The following GPHN variants were observed in gnomAD, a reference collection of about 807,000 sequenced individuals.
The protein encoded by GPHN is gephyrin.
GPHN carries 17 observed loss-of-function variants against 95.5 expected under a neutral mutation model. The observed-to-expected ratio is 0.18, with a 90% CI of 0.12 to 0.27. The LOEUF (loss-of-function observed/expected upper bound fraction) is 0.27, where lower values mean the gene tolerates loss of function less well. Ranked by LOEUF, GPHN falls within the 10% of genes least tolerant of loss-of-function variation. GPHN has a pLI of 1.00. For synonymous variants in GPHN, 320 were observed against 322.5 expected (o/e 0.99, Z 0.08); for missense variants, 660 against 978.1 (o/e 0.67, Z 4.34).
chr14:67,516,333 C>T, the GPHN span, among the ~76,000 whole-genome samples: 5 of 152,164 alleles, frequency 3.3e-5, no homozygotes, highest in Non-Finnish European at 7.3e-5. Flanking sequence ...AATTCTCTCG[C>T]AAACCCTATG....
At chr14:67,086,813 C>T (rs1325967024) in intron 11 of GPHN, among the ~76,000 whole-genome samples, 3 of 151,238 alleles carry the variant, frequency 2.0e-5, no homozygotes, top group African/African-American at 7.3e-5. Context: ...CCAAGGTGGG[C>T]GGATCATGAG....
At position 66,607,917 on chromosome 14, in the gene GPHN, T is replaced by G. The variant is rs371515189; in HGVS notation, c.65-73190T>G. Among the ~76,000 whole-genome samples the G allele has an allele frequency of 4.6e-5, 7 of 152,056 alleles. No homozygotes were observed. The East Asian group carries it at 1.3e-3, about 29-fold the overall frequency. ...CTTTGTTAATCTAATGAGAAGTCTG[T>G]CAATCTTTTTTATTCTTCCGATAAA... On this transcript the variant is annotated intron_variant, in intron 1 of 22. Transcript: ENST00000478722.
intron 1 of GPHN, among the ~76,000 whole-genome samples, chr14:66,585,365 G>A (rs1378326391): frequency 2.6e-5 from 4 of 152,026 alleles, no homozygotes; most frequent in Non-Finnish European, 5.9e-5. Context: ...ATTTTTTGAA[G>A]CGTTTTTTGT....
intron 9 of GPHN, among the ~76,000 whole-genome samples, chr14:67,010,648 A>T (rs1036778209): frequency 2.0e-5 from 3 of 152,086 alleles, no homozygotes; most frequent in East Asian, 3.8e-4. Context: ...AAAATTTTTT[A>T]AAATTTTTCC....
At chr14:66,571,826 A>G (rs759209262) in intron 1 of GPHN, among the ~76,000 whole-genome samples, 4 of 152,122 alleles carry the variant, frequency 2.6e-5, no homozygotes, top group Non-Finnish European at 5.9e-5. Flanking sequence ...TGAAAACAAA[A>G]AACAAACAAA....
the GPHN span, chr14:67,466,985 A>G: frequency 1.8e-5 from 2 of 113,008 alleles, no homozygotes; most frequent in African/African-American, 7.0e-5. Flanking sequence ...ACAGAGGGGG[A>G]CCCAATCTCA....
At chr14:66,641,243 T>C (rs767629613) in intron 1 of GPHN, among the ~76,000 whole-genome samples, 1 of 152,242 alleles carries the variant, frequency 6.6e-6, no homozygotes, top group Non-Finnish European at 1.5e-5. Context: ...TTGATCTTTC[T>C]CTAGGCTAGT....
At chr14:66,584,027 G>A (rs977941248) in intron 1 of GPHN, among the ~76,000 whole-genome samples, 4 of 152,146 alleles carry the variant, frequency 2.6e-5, no homozygotes, top group African/African-American at 9.7e-5. Flanking sequence ...AGCATGGAAT[G>A]TTCTTCCATT....
At chr14:67,574,722 G>C in the GPHN span, among the ~76,000 whole-genome samples, 1 of 152,060 alleles carries the variant, frequency 6.6e-6, no homozygotes, top group Non-Finnish European at 1.5e-5. This position sits in a 1 kb window ranked among gnomAD's most constrained non-coding sequence, Gnocchi z 4.2. Flanking sequence ...TGTTAATAGT[G>C]GGAGGAAGAG....
At chr14:66,884,061 C>CA (rs1361389893) in intron 5 of GPHN, among the ~76,000 whole-genome samples, 1 of 152,070 alleles carries the variant, frequency 6.6e-6, no homozygotes, top group Non-Finnish European at 1.5e-5. Flanking sequence ...TTGTACACAA[C>CA]TGACCTTTGG....
the GPHN span, chr14:67,302,283 A>C: frequency 1.9e-6 from 2 of 1,063,094 alleles, no homozygotes; most frequent in Non-Finnish European, 2.5e-6. Context: ...CTAGTTGTGT[A>C]AATAAATTTT....
At chr14:66,962,913 T>C (rs981133377) in intron 8 of GPHN, among the ~76,000 whole-genome samples, 12 of 151,974 alleles carry the variant, frequency 7.9e-5, no homozygotes, top group Non-Finnish European at 1.6e-4. Context: ...TGTTTGATAA[T>C]TAAGCCAGCA....
the GPHN span, chr14:67,578,337 T>A: frequency 2.5e-6 from 2 of 810,738 alleles, no homozygotes; most frequent in Non-Finnish European, 4.0e-6. The surrounding 1 kb of genome is among the most constrained non-coding windows in gnomAD (Gnocchi z 5.0). Context: ...GCTGCATCAG[T>A]ACGGCTGAGC....
At chr14:66,558,934 G>A (rs1594959598) in intron 1 of GPHN, among the ~76,000 whole-genome samples, 1 of 133,394 alleles carries the variant, frequency 7.5e-6, no homozygotes, top group South Asian at 2.3e-4. Context: ...TCCCCTTCCT[G>A]TGTCCATGTG....
Position 67,023,657 on chromosome 14 carries a change from G to C in GPHN, c.988G>C (p.Glu330Gln), listed in dbSNP as rs1483246386. ...GGTCCAGTCCAGGTGCAGCAGCAAG[G>C]AGAACATTCTCAGAGCCAGTAAGTA... is the stretch of plus-strand genomic sequence containing the variant. ...PKVQSRCSSK[E>Q]NILRASHSAV... The change falls in exon 10 of 23, where the codon GAG becomes CAG. Residue 330 changes from glutamate to glutamine, a missense_variant. Glu to Gln is a conservative substitution (Grantham distance 29). Around this residue, in one of 6 missense-constraint regions of GPHN, gnomAD observed 190 missense variants for 224.7 expected, o/e 0.85. Coordinates refer to ENST00000478722, the MANE Select transcript of GPHN (RefSeq NM_020806.5). 1.2e-6 allele frequency: 2 copies of C among 1,613,310 alleles called. No individual in the cohort carries two copies. Among genetic ancestry groups the C allele is most frequent in the Non-Finnish European group, 1.7e-6 (2 of 1,179,486 alleles).
At chr14:67,425,651 C>T in the GPHN span, among the ~76,000 whole-genome samples, 9 of 152,278 alleles carry the variant, frequency 5.9e-5, no homozygotes, top group East Asian at 1.4e-3. Flanking sequence ...TCCTTCCTTT[C>T]GAAAAGGGAC....
the GPHN span, chr14:67,198,418 C>T: frequency 1.0e-5 from 12 of 1,166,630 alleles, no homozygotes; most frequent in Admixed American, 4.2e-5. Context: ...TTAAATGTGC[C>T]GAGGGAATGT....
At chr14:66,880,175 A>G (rs1256193322) in intron 5 of GPHN, 142 bp downstream of exon 5, 2 of 685,012 alleles carry the variant, frequency 2.9e-6, no homozygotes, top group Non-Finnish European at 5.3e-6. Context: ...TAATCACTTA[A>G]TAAATATTAC....
In GPHN at chr14:67,156,775, G is replaced by C. The variant is rs184500881; in HGVS notation, c.1837-2640G>C. On this transcript the variant is annotated intron_variant, in intron 18 of 22. Coordinates refer to ENST00000478722, the MANE Select transcript of GPHN (RefSeq NM_020806.5). ...ACTGATCATGTGGGGCCAGGAGTTC[G>C]AGACCAGCCTAACCAACGTAATGAA... is the stretch of plus-strand genomic sequence containing the variant. Among the ~76,000 whole-genome samples, 184 of 151,994 alleles carry C rather than the reference G, an allele frequency of 1.2e-3. 9 individuals are homozygous for C. The East Asian group carries it at 0.017, about 14-fold the overall frequency.
Sources: gnomAD v4.1 joint callset for allele counts (sites outside exome capture counted in the v4.1 genomes callset) on GRCh38, gnomAD v4.1.1 for gene constraint, gnomAD v4.1.1 regional missense constraint, Gnocchi (gnomAD v3.1) non-coding constraint, MANE v1.5 for transcripts, NCBI Gene and HGNC (gene_info 2026-07-23, HGNC 2026-07-21) for gene names.